Variants in MAP3K4 observed in about 807,000 individuals in gnomAD.
MAP3K4 encodes MAP three kinase 1.
In MAP3K4, 67 loss-of-function variants were observed where a neutral mutation model predicts 185.6. That is an observed-to-expected ratio of 0.36 (90% CI 0.30 to 0.44). MAP3K4 has a LOEUF of 0.44. Among genes scored for constraint, MAP3K4 ranks in the 20% least tolerant of loss-of-function variants. MAP3K4 has a pLI of 1.00. For synonymous variants in MAP3K4, 702 were observed against 710.4 expected (o/e 0.99, Z 0.19); for missense variants, 1,551 against 1,995.1 (o/e 0.78, Z 4.24).
chr6:161,010,008 C>A (rs675457), intron 1 of MAP3K4, among the ~76,000 whole-genome samples: 110,529 of 151,994 alleles, frequency 0.73, 41,489 homozygotes, highest in Non-Finnish European at 0.82. Flanking sequence ...GCACATGTAC[C>A]CTGGGACTTA....
chr6:161,017,592 G>A lies in MAP3K4; in HGVS notation c.153-16667G>A, dbSNP rs1174018777. 6.6e-6 allele frequency among the ~76,000 whole-genome samples: 1 copy of A among 152,118 alleles called. No homozygotes were observed. Among genetic ancestry groups the A allele is most frequent in the Non-Finnish European group, 1.5e-5 (1 of 68,008 alleles). Reference sequence around the variant, plus strand: ...GATCTTTTGTAAGTTATAGAAACAGGCCCAAAGAGGTTAAATTTTCACAAA... The same window carrying A: ...GATCTTTTGTAAGTTATAGAAACAGACCCAAAGAGGTTAAATTTTCACAAA... On this transcript the variant is annotated intron_variant, in intron 1 of 26. Coordinates refer to ENST00000392142, the MANE Select transcript of MAP3K4 (RefSeq NM_005922.4). This position sits in a 1 kb window ranked among gnomAD's most constrained non-coding sequence, Gnocchi z 5.1.
Position 161,049,723 on chromosome 6 carries a change from TCCAGTCGCGGGACTGCATATCCAAGA to T in MAP3K4, c.1452_1477del (p.Gln485AlafsTer2). On this transcript the variant is annotated frameshift_variant, in exon 3 of 27. Coordinates refer to ENST00000392142, the MANE Select transcript of MAP3K4 (RefSeq NM_005922.4). LOFTEE classifies it high-confidence loss of function. The surrounding 1 kb of genome is among the most constrained non-coding windows in gnomAD (Gnocchi z 8.4). ...CAGCCCATAGATAACAGCTTCGACA[TCCAGTCGCGGGACTGCATATCCAAGA>T]AGCTTGAGAGGCTCGAATCTGAGGA... The T allele has an allele frequency of 6.2e-7, 1 of 1,614,126 alleles. No homozygotes were observed. Among genetic ancestry groups the T allele is most frequent in the Non-Finnish European group, 8.5e-7 (1 of 1,180,026 alleles).
At chr6:160,999,988 G>A (rs891634378) in intron 1 of MAP3K4, among the ~76,000 whole-genome samples, 23 of 152,128 alleles carry the variant, frequency 1.5e-4, no homozygotes, top group African/African-American at 5.1e-4. Flanking sequence ...TTTCAGATAC[G>A]TTGTTATTTT....
chr6:161,115,285 G>A lies in MAP3K4; in HGVS notation c.4789G>A (p.Asp1597Asn). 2 of 1,613,054 alleles carry A rather than the reference G, an allele frequency of 1.2e-6. No individual in the cohort carries two copies. Among genetic ancestry groups the A allele is most frequent in the East Asian group, 2.2e-5 (1 of 44,866 alleles). ...KMRWTASQLLDHSFVKVCTDE... is the reference protein window; with the variant it reads ...KMRWTASQLLNHSFVKVCTDE... ...GAGATGGACCGCCAGCCAGCTCCTC[G>A]ACCATTCGTTTGTCAAGGTTTGGCA... is the stretch of plus-strand genomic sequence containing the variant. Residue 1597 changes from aspartate (D) to asparagine (N), a missense_variant, in exon 26 of 27, where the codon GAC (aspartate) becomes AAC (asparagine). Physicochemically the swap from Asp to Asn is conservative, Grantham distance 23 (BLOSUM62 1). This residue lies in a region of MAP3K4 where 2 missense variants were observed against 17.4 expected (regional missense o/e 0.12). Transcript: ENST00000392142. This position sits in a 1 kb window ranked among gnomAD's most constrained non-coding sequence, Gnocchi z 6.0.
rs1785594334 is a variant in MAP3K4, at chr6:161,084,349, C to T, written c.2256-152C>T. On this transcript the variant is annotated intron_variant, in intron 6 of 26. Coordinates refer to ENST00000392142, the MANE Select transcript of MAP3K4 (RefSeq NM_005922.4). This position sits in a 1 kb window ranked among gnomAD's most constrained non-coding sequence, Gnocchi z 4.6. Reference sequence around the variant, plus strand: ...ATCCAGATTCCTATTTTTCCACGTCCAGGGTTTTATATTAAAAGAAGAGAA... The same window carrying T: ...ATCCAGATTCCTATTTTTCCACGTCTAGGGTTTTATATTAAAAGAAGAGAA... 5.5e-6 allele frequency: 3 copies of T among 543,098 alleles called. No homozygotes were observed. The allele number at this position is 543,098 out of a possible 1,614,324, so 33.6% of individuals were successfully genotyped here.
In MAP3K4 at chr6:161,114,983, A is replaced by C. The variant is rs1778527693; in HGVS notation, c.4627-140A>C. 2 of 651,244 alleles carry C rather than the reference A, an allele frequency of 3.1e-6. No homozygotes were observed. 40.3% of individuals were successfully genotyped at this position (651,244 alleles called of 1,614,324 possible). A position where few individuals can be genotyped will look rare whatever the true frequency, so the allele number is the denominator to read the frequency against. On this transcript the variant is annotated intron_variant, in intron 25 of 26. Coordinates refer to ENST00000392142, the MANE Select transcript of MAP3K4 (RefSeq NM_005922.4). This position sits in a 1 kb window ranked among gnomAD's most constrained non-coding sequence, Gnocchi z 4.3. ...AGATCATATGGCCTGTCAACCTAAA[A>C]TATTGTTTGGCCCTTTCAGTAAAAA...
In MAP3K4 at chr6:161,092,927, T is replaced by TA. The variant is rs780709213; in HGVS notation, c.3270-50dup. 6 of 1,070,100 alleles carry TA rather than the reference T, an allele frequency of 5.6e-6. No individual in the cohort carries two copies. The South Asian group carries it at 7.6e-5, about 13-fold the overall frequency. The allele number at this position is 1,070,100 out of a possible 1,614,324, so 66.3% of individuals were successfully genotyped here. A position where few individuals can be genotyped will look rare whatever the true frequency, so the allele number is the denominator to read the frequency against. Reference sequence around the variant, plus strand: ...TCAGTATTGTACAGTCTAAAACTGCTACAGCGTTTTCTTGGTTGTTATGTG... The same window carrying TA: ...TCAGTATTGTACAGTCTAAAACTGCTAACAGCGTTTTCTTGGTTGTTATGTG... On this transcript the variant is annotated intron_variant, in intron 13 of 26. Transcript: ENST00000392142.
In MAP3K4 at chr6:161,048,341, A is replaced by G; in HGVS notation, c.344-275A>G. ...AAATGATTTGATAACTATGCTTTGT[A>G]GCATAGAGAGAAATAAACAGCTAGT... is the stretch of plus-strand genomic sequence containing the variant. On this transcript the variant is annotated intron_variant, in intron 2 of 26. Transcript: ENST00000392142. This position sits in a 1 kb window ranked among gnomAD's most constrained non-coding sequence, Gnocchi z 4.7. 1.6e-6 allele frequency: 1 copy of G among 622,724 alleles called. No homozygotes were observed. Among genetic ancestry groups the G allele is most frequent in the African/African-American group, 1.8e-5 (1 of 55,532 alleles). 38.6% of individuals were successfully genotyped at this position (622,724 alleles called of 1,614,324 possible). A position where few individuals can be genotyped will look rare whatever the true frequency, so the allele number is the denominator to read the frequency against.
At position 161,082,060 on chromosome 6, in the gene MAP3K4, G is replaced by A. The variant is rs181196740; in HGVS notation, c.2255+1022G>A. On this transcript the variant is annotated intron_variant, in intron 6 of 26. Coordinates refer to ENST00000392142, the MANE Select transcript of MAP3K4 (RefSeq NM_005922.4). The surrounding 1 kb of genome is among the most constrained non-coding windows in gnomAD (Gnocchi z 4.2). ...CTCCTATGTTCAGTCTCGGAATCTC[G>A]TATCCACTTCTCTGTTCTAATGGCC... is the stretch of plus-strand genomic sequence containing the variant. 1.1e-3 allele frequency among the ~76,000 whole-genome samples: 174 copies of A among 151,920 alleles called. No individual in the cohort carries two copies. The highest frequency in any genetic ancestry group is 4.0e-3 in the African/African-American group (166 of 41,436).
At chr6:161,039,279 CAA>C (rs3050259) in intron 2 of MAP3K4, among the ~76,000 whole-genome samples, 6 of 71,958 alleles carry the variant, frequency 8.3e-5, no homozygotes, top group Non-Finnish European at 8.2e-5. Flanking sequence ...CGCAAAAATG[CAA>C]AAAAAAAAAA....
At position 161,116,888 on chromosome 6, in the gene MAP3K4, A is replaced by G; in HGVS notation, c.*18A>G. 1 of 1,611,808 alleles carries G rather than the reference A, an allele frequency of 6.2e-7. No individual in the cohort carries two copies. The highest frequency in any genetic ancestry group is 1.1e-5 in the South Asian group (1 of 91,046). On this transcript the variant is annotated 3_prime_UTR_variant, in exon 27 of 27. Coordinates refer to ENST00000392142, the MANE Select transcript of MAP3K4 (RefSeq NM_005922.4). The surrounding 1 kb of genome is among the most constrained non-coding windows in gnomAD (Gnocchi z 6.2). ...AAGAATGAAGCCTAGTAGAATATGG[A>G]CTTGGAAAATTCTCTTAATCACTAC...
rs1323543489 is a variant in MAP3K4 at position 161,097,303 on chromosome 6, G to A, written c.3524+127G>A. The A allele has an allele frequency of 4.4e-6, 3 of 687,284 alleles. No homozygotes were observed. Among genetic ancestry groups the A allele is most frequent in the East Asian group, 2.7e-5 (1 of 36,430 alleles). The allele number at this position is 687,284 out of a possible 1,614,324, so 42.6% of individuals were successfully genotyped here. On this transcript the variant is annotated intron_variant, in intron 16 of 26. Transcript: ENST00000392142. This position sits in a 1 kb window ranked among gnomAD's most constrained non-coding sequence, Gnocchi z 4.9. ...TTTTCTGCATTGTTCGTACGTAAAA[G>A]CTCTTACTTGCATTATCTTGAAACC...
At chr6:161,018,395 C>T (rs1782213632) in intron 1 of MAP3K4, among the ~76,000 whole-genome samples, 1 of 152,124 alleles carries the variant, frequency 6.6e-6, no homozygotes, top group Admixed American at 6.6e-5. Context: ...CACTTGAGTA[C>T]CAGTTGGTTG....
intron 23 of MAP3K4, 152 bp from the exon 24 acceptor site, chr6:161,111,684 A>C: frequency 1.2e-6 from 1 of 812,420 alleles, no homozygotes; most frequent in Non-Finnish European, 1.9e-6. Context: ...AAGGCTTACA[A>C]ATCTTCCTAT....
chr6:161,102,827 C>G, intron 19 of MAP3K4, 48 bp downstream of exon 19: 6 of 1,075,722 alleles, frequency 5.6e-6, no homozygotes, highest in Non-Finnish European at 8.0e-6. Flanking sequence ...AAAAAAAACA[C>G]GATTACACAT....
At chr6:161,095,494 A>G (rs1777526488) in intron 15 of MAP3K4, among the ~76,000 whole-genome samples, 1 of 152,158 alleles carries the variant, frequency 6.6e-6, no homozygotes, top group Non-Finnish European at 1.5e-5. Context: ...ACAAATAACA[A>G]CCTGGTATGT....
In MAP3K4 at chr6:161,067,984, T is replaced by C. The variant is rs1784781946; in HGVS notation, c.1708-2624T>C. ...CTTGTTAACAAGGTTGATGACATCA[T>C]ATGTTCCATTCTTTAGTGTTAGATT... On this transcript the variant is annotated intron_variant, in intron 3 of 26. Transcript: ENST00000392142. The surrounding 1 kb of genome is among the most constrained non-coding windows in gnomAD (Gnocchi z 6.3). Among the ~76,000 whole-genome samples, 1 of 152,244 alleles carries C rather than the reference T, an allele frequency of 6.6e-6. No individual in the cohort carries two copies. Among genetic ancestry groups the C allele is most frequent in the Non-Finnish European group, 1.5e-5 (1 of 68,032 alleles).
chr6:161,093,656 A>G lies in MAP3K4; in HGVS notation c.3349-117A>G, dbSNP rs1777429952. ...ACCTATTTTCTTTTAAACTAACTGA[A>G]AATATTTTGGGTAGCATGTTTTTAA... On this transcript the variant is annotated intron_variant, in intron 14 of 26. Transcript: ENST00000392142. The surrounding 1 kb of genome is among the most constrained non-coding windows in gnomAD (Gnocchi z 5.2). 1 of 612,528 alleles carries G rather than the reference A, an allele frequency of 1.6e-6. No individual in the cohort carries two copies. Among genetic ancestry groups the G allele is most frequent in the Non-Finnish European group, 2.9e-6 (1 of 347,274 alleles). 37.9% of individuals were successfully genotyped at this position (612,528 alleles called of 1,614,324 possible). A position where few individuals can be genotyped will look rare whatever the true frequency, so the allele number is the denominator to read the frequency against.
chr6:161,051,821 AGTT>A lies in MAP3K4; in HGVS notation c.1707+1846_1707+1848del, dbSNP rs1193001646. 7.2e-5 allele frequency among the ~76,000 whole-genome samples: 11 copies of A among 152,188 alleles called. No homozygotes were observed. The highest frequency in any genetic ancestry group is 2.9e-5 in the Non-Finnish European group (2 of 68,032). ...AATACAATGTAAATGCTGTGTAAAT[AGTT>A]GTTATACTGTATCTTTTTTGTTTGT... is the stretch of plus-strand genomic sequence containing the variant. On this transcript the variant is annotated intron_variant, in intron 3 of 26. Transcript: ENST00000392142. This position sits in a 1 kb window ranked among gnomAD's most constrained non-coding sequence, Gnocchi z 4.2.
Sources: allele counts gnomAD v4.1 joint callset (sites outside exome capture counted in the v4.1 genomes callset), GRCh38; gene constraint gnomAD v4.1.1; regional missense constraint gnomAD v4.1.1; non-coding constraint Gnocchi (gnomAD v3.1); transcripts MANE v1.5; gene names NCBI Gene and HGNC (gene_info 2026-07-23, HGNC 2026-07-21).